The following RIMS2 variants were observed in gnomAD, a reference collection of about 807,000 sequenced individuals.
The protein encoded by RIMS2 is regulating synaptic membrane exocytosis 2.
RIMS2 carries 59 observed loss-of-function variants against 174.4 expected under a neutral mutation model. That is an observed-to-expected ratio of 0.34 (90% CI 0.27 to 0.42). The LOEUF is 0.42. Ranked by LOEUF, RIMS2 falls within the 10% of genes least tolerant of loss-of-function variation. RIMS2 has a pLI of 1.00. For missense variants in RIMS2, 1,620 were observed against 1,666.3 expected (o/e 0.97, Z 0.48); for synonymous variants, 606 against 572.5 (o/e 1.06, Z -0.84).
chr8:104,173,457 T>C, intron 19 of RIMS2, among the ~76,000 whole-genome samples: 1 of 152,122 alleles, frequency 6.6e-6, no homozygotes, highest in Non-Finnish European at 1.5e-5. Context: ...TTTATTTTAA[T>C]GAACACCAGA....
intron 19 of RIMS2, among the ~76,000 whole-genome samples, chr8:104,089,519 T>A (rs2097596489): frequency 6.6e-6 from 1 of 151,874 alleles, no homozygotes; most frequent in South Asian, 2.1e-4. Flanking sequence ...TCTTCTGAAA[T>A]TTTATTTATA....
chr8:104,168,518 T>C (rs1047115098), intron 19 of RIMS2, among the ~76,000 whole-genome samples: 1 of 152,184 alleles, frequency 6.6e-6, no homozygotes, highest in Admixed American at 6.5e-5. Context: ...TGATTTTGTA[T>C]CCTGAGACTT....
chr8:103,646,099 A>G (rs1325837560), intron 1 of RIMS2, among the ~76,000 whole-genome samples: 1 of 152,122 alleles, frequency 6.6e-6, no homozygotes, highest in Non-Finnish European at 1.5e-5. Context: ...AGGATGAGCC[A>G]GGAGAAGGAA....
intron 14 of RIMS2, 40 bp from the exon 17 acceptor site, chr8:103,961,025 G>T: frequency 2.9e-6 from 3 of 1,033,544 alleles, no homozygotes; most frequent in Non-Finnish European, 3.1e-6. Context: ...CTTCCTTAGA[G>T]AATCAGAATT....
chr8:103,743,786 T>G (rs2097782438), intron 2 of RIMS2, among the ~76,000 whole-genome samples: 1 of 152,162 alleles, frequency 6.6e-6, no homozygotes. Context: ...GAAATGTCCT[T>G]TTATTCCTAT....
chr8:104,160,658 T>A (rs1011429191), intron 19 of RIMS2, among the ~76,000 whole-genome samples: 2 of 152,222 alleles, frequency 1.3e-5, no homozygotes, highest in Non-Finnish European at 2.9e-5. Context: ...ATTCTTATGG[T>A]ATTTTAATCA....
chr8:103,937,399 T>C (rs1438898330), intron 13 of RIMS2, among the ~76,000 whole-genome samples: 6 of 152,202 alleles, frequency 3.9e-5, no homozygotes, highest in African/African-American at 1.4e-4. Context: ...CACTAATAAG[T>C]AGTTAAACCA....
At chr8:104,184,941 A>AT (rs1354023110) in intron 19 of RIMS2, among the ~76,000 whole-genome samples, 1 of 151,452 alleles carries the variant, frequency 6.6e-6, no homozygotes, top group African/African-American at 2.4e-5. Context: ...AAAAAGAGAA[A>AT]TTTATGGTCT....
intron 1 of RIMS2, among the ~76,000 whole-genome samples, chr8:103,583,759 A>G (rs964595074): frequency 2.0e-5 from 3 of 152,192 alleles, no homozygotes; most frequent in Non-Finnish European, 4.4e-5. Context: ...AATCAAGCAT[A>G]CTTATAGGAC....
rs1220469343 is a variant in RIMS2, at chr8:103,802,950, C to A, written c.698+36413C>A. ...CAAGGATTCAGGCATTTAAATTGGT[C>A]AATTCATAATAACATGAATTCAGCA... On this transcript the variant is annotated intron_variant, in intron 3 of 23. Transcript: ENST00000504942. 2.0e-5 allele frequency among the ~76,000 whole-genome samples: 3 copies of A among 152,144 alleles called. No individual in the cohort carries two copies. The South Asian group carries it at 6.2e-4, about 32-fold the overall frequency.
rs991728618 is a variant in RIMS2, at chr8:103,823,393, C to A, written c.698+56856C>A. ...TTGTCTGGAGTACTCCCAGTTTATGCCTGCAGTCATCCAGTGATTATTATT... is the reference window on the plus strand; with the variant it reads ...TTGTCTGGAGTACTCCCAGTTTATGACTGCAGTCATCCAGTGATTATTATT... On this transcript the variant is annotated intron_variant, in intron 3 of 23. Transcript: ENST00000504942. 4.0e-5 allele frequency among the ~76,000 whole-genome samples: 6 copies of A among 151,544 alleles called. No homozygotes were observed. The East Asian group carries it at 1.2e-3, about 29-fold the overall frequency.
intron 19 of RIMS2, among the ~76,000 whole-genome samples, chr8:104,101,445 A>G (rs2097899449): frequency 1.3e-5 from 2 of 152,130 alleles, no homozygotes; most frequent in South Asian, 2.1e-4. Context: ...GACTATATTA[A>G]TTCTACTATA....
At chr8:104,065,817 T>G (rs1196167924) in intron 19 of RIMS2, among the ~76,000 whole-genome samples, 1 of 152,156 alleles carries the variant, frequency 6.6e-6, no homozygotes, top group Admixed American at 6.5e-5. Flanking sequence ...GGTCTGGAGA[T>G]GAGAGATTTG....
At chr8:103,797,477 A>T (rs2098557672) in intron 3 of RIMS2, among the ~76,000 whole-genome samples, 1 of 152,176 alleles carries the variant, frequency 6.6e-6, no homozygotes, top group African/African-American at 2.4e-5. Context: ...GCTACCCATT[A>T]TCTTCTTCAT....
intron 1 of RIMS2, among the ~76,000 whole-genome samples, chr8:103,646,857 C>T (rs2096345031): frequency 6.6e-6 from 1 of 152,186 alleles, no homozygotes; most frequent in African/African-American, 2.4e-5. Context: ...CTGGCCAGAA[C>T]TTCCAATACT....
intron 1 of RIMS2, among the ~76,000 whole-genome samples, chr8:103,543,725 G>A (rs762899524): frequency 3.5e-4 from 54 of 152,284 alleles, no homozygotes; most frequent in African/African-American, 1.3e-3. Flanking sequence ...TGACAGAGAT[G>A]CCAAGAATAC....
chr8:104,227,574 A>T (rs1161147103), intron 19 of RIMS2, among the ~76,000 whole-genome samples: 1 of 152,198 alleles, frequency 6.6e-6, no homozygotes, highest in Non-Finnish European at 1.5e-5. Context: ...AGGGCAAATG[A>T]TTATGGCCCT....
chr8:103,736,034 A>T (rs2139114734), intron 2 of RIMS2, among the ~76,000 whole-genome samples: 1 of 152,262 alleles, frequency 6.6e-6, no homozygotes, highest in African/African-American at 2.4e-5. Context: ...ATGTCAGTTT[A>T]TGCGCGTAAT....
intron 1 of RIMS2, among the ~76,000 whole-genome samples, chr8:103,624,681 C>T (rs571698579): frequency 2.6e-4 from 40 of 152,250 alleles, no homozygotes; most frequent in African/African-American, 7.9e-4. Flanking sequence ...AATACACAAA[C>T]ATTTTTATAT....
Sources: allele counts gnomAD v4.1 joint callset (sites outside exome capture counted in the v4.1 genomes callset), GRCh38; gene constraint gnomAD v4.1.1; transcripts MANE v1.5; gene names NCBI Gene and HGNC (gene_info 2026-07-23, HGNC 2026-07-21).